The following NUBP2 variants were observed in gnomAD, a reference collection of about 807,000 sequenced individuals.
The protein encoded by NUBP2 is NUBP iron-sulfur cluster assembly factor 2, cytosolic.
A neutral mutation model predicts 24.9 loss-of-function variants in NUBP2; 23 were observed. That is an observed-to-expected ratio of 0.92 (90% confidence interval 0.66 to 1.31). The LOEUF is 1.31. Ranked by LOEUF, NUBP2 falls within the 50% of genes most tolerant of loss-of-function variation. The probability of loss-of-function intolerance (pLI) is 0.00; values close to 1 mark genes in which losing one functional copy is unlikely to be tolerated. For synonymous variants in NUBP2, 186 were observed against 170.9 expected, an observed-to-expected ratio of 1.09 and a Z score of -0.69; for missense variants, 403 against 386.5, an observed-to-expected ratio of 1.04 and a Z score of -0.36.
chr16:1,788,554 C>T lies in NUBP2; in HGVS notation c.671-15C>T, dbSNP rs576158006. The T allele has an allele frequency of 6.3e-7, 1 of 1,593,968 alleles. No individual in the cohort carries two copies. Among genetic ancestry groups the T allele is most frequent in the African/African-American group, 1.3e-5 (1 of 74,682 alleles). ...GGTGCGGACATGGCGCCACCGCCTC[C>T]ACTGTGCCCTGCAGGCTCCGTGCCC... On this transcript the variant is annotated splice_polypyrimidine_tract_variant and intron_variant, in intron 6 of 6. Coordinates refer to ENST00000262302, the MANE Select transcript of NUBP2 (RefSeq NM_012225.4).
chr16:1,788,049 A>G lies in NUBP2; in HGVS notation c.598A>G (p.Thr200Ala), dbSNP rs57822546. The G allele has an allele frequency of 0.016, 25,736 of 1,589,512 alleles. 3,567 individuals are homozygous for G. In the African/African-American group the frequency reaches 0.3, roughly 19 times the overall value. The stretch of plus-strand genomic sequence containing the variant: ...GAGCGGCTTCACCTGCCCACACTGC[A>G]CGGTGAGTCCCGGGGGTTGCAGAGG... The part of the protein sequence containing the change: ...NMSGFTCPHC[T>A]ECTSVFSRGG... Residue 200 changes from threonine (T) to alanine (A), a missense_variant and splice_region_variant, in exon 5 of 7, where the codon ACG becomes GCG. Physicochemically the swap from Thr to Ala is moderately conservative, Grantham distance 58. Transcript: ENST00000262302.
chr16:1,788,793 C>G lies in NUBP2; in HGVS notation c.*79C>G, dbSNP rs771526014. The G allele has an allele frequency of 6.7e-7, 1 of 1,491,152 alleles. No homozygotes were observed. The highest frequency in any genetic ancestry group is 1.4e-5 in the African/African-American group (1 of 71,172). 92.4% of individuals were successfully genotyped at this position (1,491,152 alleles called of 1,614,324 possible). A position where few individuals can be genotyped will look rare whatever the true frequency, so the allele number is the denominator to read the frequency against. ...TCTCAGAGAAACAGAGGCCTGGGCT[C>G]GGTTCCCGGGCCCTGCAGGGGCAGG... On this transcript the variant is annotated 3_prime_UTR_variant, in exon 7 of 7. Transcript: ENST00000262302.
intron 1 of NUBP2, chr16:1,783,989 G>C (rs1896845947): frequency 1.0e-6 from 1 of 984,652 alleles, no homozygotes; most frequent in African/African-American, 1.8e-5. Context: ...CACGGCGCCT[G>C]GCCCAGTGCT....
Position 1,788,726 on chromosome 16 carries a change from T to C in NUBP2, c.*12T>C. The C allele has an allele frequency of 6.2e-7, 1 of 1,603,348 alleles. No homozygotes were observed. Among genetic ancestry groups the C allele is most frequent in the African/African-American group, 1.3e-5 (1 of 74,870 alleles). ...CGTGCCTCCCCTGACTAAGGCCACC[T>C]TGCAGCCGCTTTCCAGGGCCACCAA... On this transcript the variant is annotated 3_prime_UTR_variant, in exon 7 of 7. Coordinates refer to ENST00000262302, the MANE Select transcript of NUBP2 (RefSeq NM_012225.4).
At position 1,787,658 on chromosome 16, in the gene NUBP2, G is replaced by T. The variant is rs374888897; in HGVS notation, c.335-19G>T. On this transcript the variant is annotated intron_variant, in intron 3 of 6. Coordinates refer to ENST00000262302, the MANE Select transcript of NUBP2 (RefSeq NM_012225.4). ...AGACCTGCCCTGCCCTGACCGCCCC[G>T]TCTGCCCCGTCTTTGCAGCGCTGAT... 6.2e-7 allele frequency: 1 copy of T among 1,610,364 alleles called. No homozygotes were observed. The highest frequency in any genetic ancestry group is 1.1e-5 in the South Asian group (1 of 91,042).
intron 1 of NUBP2, chr16:1,785,482 G>T: frequency 1.7e-6 from 2 of 1,190,908 alleles, no homozygotes; most frequent in Non-Finnish European, 2.1e-6. Flanking sequence ...TCAGGACCCA[G>T]GCCTGACAGA....
intron 2 of NUBP2, 36 bp downstream of exon 2, chr16:1,786,691 G>A: frequency 6.2e-7 from 1 of 1,612,066 alleles, no homozygotes; most frequent in Non-Finnish European, 8.5e-7. Flanking sequence ...GGAGCCCCGG[G>A]CAGCTGCCCG....
intron 1 of NUBP2, 159 bp from the exon 2 acceptor site, chr16:1,786,377 TC>T (rs1896966026): frequency 1.5e-6 from 1 of 685,926 alleles, no homozygotes; most frequent in African/African-American, 1.8e-5. Flanking sequence ...TGCCTGGAGG[TC>T]TTTACATCGG....
chr16:1,787,627 G>C (rs201591725), intron 3 of NUBP2, 50 bp from the exon 4 acceptor site: 7 of 1,592,788 alleles, frequency 4.4e-6, no homozygotes, highest in Non-Finnish European at 6.0e-6. Flanking sequence ...GCAGGGCCAC[G>C]TGTGCAGACC....
In NUBP2 at chr16:1,783,027, G is replaced by A; in HGVS notation, c.7G>A (p.Ala3Thr). 1.5e-6 allele frequency: 2 copies of A among 1,370,730 alleles called. No individual in the cohort carries two copies. The highest frequency in any genetic ancestry group is 1.6e-5 in the South Asian group (1 of 63,922). 84.9% of individuals were successfully genotyped at this position (1,370,730 alleles called of 1,614,324 possible). Residue 3 changes from alanine to threonine, a missense_variant, in exon 1 of 7, where the codon GCG becomes ACG. Physicochemically the swap from Ala to Thr is moderately conservative, Grantham distance 58. Coordinates refer to ENST00000262302, the MANE Select transcript of NUBP2 (RefSeq NM_012225.4). ...AGCTCCTGGAGGCGGCGGGATGGAG[G>A]CGGCGGCCGGTGAGTGGCGGGCCAG... ME[A>T]AAEPGNLAGV...
chr16:1,787,138 C>T (rs1440302419), intron 3 of NUBP2, 183 bp downstream of exon 3: 5 of 554,988 alleles, frequency 9.0e-6, no homozygotes, highest in African/African-American at 7.5e-5. Context: ...TGCTGCCACA[C>T]AGCTGTCCCC....
At chr16:1,783,498 C>G (rs1224894011) in intron 1 of NUBP2, 2 of 989,022 alleles carry the variant, frequency 2.0e-6, no homozygotes, top group Non-Finnish European at 2.4e-6. Context: ...TCTCAGTGTT[C>G]AGAAAAGTGT....
intron 1 of NUBP2, chr16:1,786,154 A>G (rs377685211): frequency 8.9e-6 from 2 of 225,798 alleles, no homozygotes; most frequent in Admixed American, 8.6e-5. Flanking sequence ...GAAAGAGTGG[A>G]GTCTGGTTCC....
rs1065656 is a variant in NUBP2 at position 1,788,835 on chromosome 16, C to G, written c.*121C>G. 0.68 allele frequency: 880,306 copies of G among 1,286,368 alleles called. 303,674 individuals carry two copies. Among genetic ancestry groups the G allele is most frequent in the African/African-American group, 0.78 (52,068 of 66,496 alleles). The allele number at this position is 1,286,368 out of a possible 1,614,324, so 79.7% of individuals were successfully genotyped here. ...AGGGGCAGGCCCAGGCAGCGTCAGC[C>G]GGAGAGCTTCTCCCCGACCAGCCCA... On this transcript the variant is annotated 3_prime_UTR_variant, in exon 7 of 7. Transcript: ENST00000262302.
At chr16:1,788,326 C>G in intron 6 of NUBP2, 119 bp downstream of exon 6, 2 of 1,152,666 alleles carry the variant, frequency 1.7e-6, no homozygotes, top group Non-Finnish European at 2.4e-6. Context: ...CGGTTTCCTC[C>G]TCTCTTCTCG....
intron 1 of NUBP2, chr16:1,785,856 A>G (rs1160649123): frequency 7.8e-7 from 1 of 1,288,914 alleles, no homozygotes. Context: ...TCGGGGATGG[A>G]GCAGCTTGCT....
At chr16:1,785,771 T>A in intron 1 of NUBP2, 1 of 1,289,028 alleles carries the variant, frequency 7.8e-7, no homozygotes, top group Non-Finnish European at 1.0e-6. Flanking sequence ...AACGTGCCCT[T>A]GAGAGGCGGA....
intron 1 of NUBP2, among the ~76,000 whole-genome samples, chr16:1,784,271 G>C (rs1896857925): frequency 6.6e-6 from 1 of 151,988 alleles, no homozygotes; most frequent in African/African-American, 2.4e-5. Context: ...TTAATGTGTA[G>C]ACATGGGGTC....
Position 1,788,188 on chromosome 16 carries a change from C to T in NUBP2, c.651C>T (p.Leu217=), listed in dbSNP as rs148673802. Residue 217 remains leucine (L), a synonymous_variant, in exon 6 of 7, where the codon CTC becomes CTT. Transcript: ENST00000262302. The part of the protein sequence containing the change: ...SRGGGEELAQ[L]AGVPFLGSVP... ...GCGGCGGAGAGGAGCTGGCCCAGCT[C>T]GCCGGGGTGCCCTTCTTAGGTGAGT... The T allele has an allele frequency of 2.1e-4, 317 of 1,506,108 alleles. No individual in the cohort carries two copies. In the African/African-American group the frequency reaches 4.0e-3, roughly 19 times the overall value. The allele number at this position is 1,506,108 out of a possible 1,614,324, so 93.3% of individuals were successfully genotyped here. A position where few individuals can be genotyped will look rare whatever the true frequency, so the allele number is the denominator to read the frequency against.
Sources: gnomAD v4.1 joint callset for allele counts (sites outside exome capture counted in the v4.1 genomes callset) on GRCh38, gnomAD v4.1.1 for gene constraint, MANE v1.5 for transcripts, NCBI Gene and HGNC (gene_info 2026-07-23, HGNC 2026-07-21) for gene names.